ACACB: variants seen among roughly 807,000 people sequenced by gnomAD.
The protein encoded by ACACB is acetyl-CoA carboxylase beta.
Under a neutral mutation model 278.8 loss-of-function variants are expected in ACACB, and 209 were observed. The ratio of observed to expected loss-of-function variants is 0.75; its 90% CI spans 0.67 to 0.84. The LOEUF (loss-of-function observed/expected upper bound fraction) is 0.84, where lower values mean the gene tolerates loss of function less well. ACACB is among the 40% of genes least tolerant of loss of function. The pLI is 0.00. For missense variants in ACACB, 2,850 were observed against 3,269.0 expected (o/e 0.87, Z 3.13); for synonymous variants, 1,174 against 1,285.6 (o/e 0.91, Z 1.86).
intron 19 of ACACB, among the ~76,000 whole-genome samples, chr12:109,204,532 C>T (rs1257625601): frequency 6.6e-6 from 1 of 151,912 alleles, no homozygotes; most frequent in Non-Finnish European, 1.5e-5. Flanking sequence ...ACCTCAGCCT[C>T]CCAAAGTGCT....
intron 2 of ACACB, among the ~76,000 whole-genome samples, chr12:109,161,888 C>CT (rs1434690674): frequency 1.3e-5 from 2 of 151,884 alleles, no homozygotes; most frequent in African/African-American, 4.8e-5. Flanking sequence ...GCTCTTAATA[C>CT]TTTAGCATTT....
Position 109,185,694 on chromosome 12 carries a change from G to A in ACACB, c.1934G>A (p.Arg645Gln), listed in dbSNP as rs202062595. The change falls in exon 12 of 53, where the codon CGA (arginine) becomes CAA (glutamine). Residue 645 changes from arginine to glutamine, a missense_variant. Around this residue, in one of 3 missense-constraint regions of ACACB, gnomAD observed 2,265 missense variants for 2,561.3 expected, o/e 0.88. Coordinates refer to ENST00000338432, the MANE Select transcript of ACACB (RefSeq NM_001093.4). The part of the protein sequence containing the change: ...FETPSNPPLA[R>Q]GHVIAARITS... The stretch of plus-strand genomic sequence containing the variant: ...ACCCCCTCAAACCCTCCCCTCGCCC[G>A]AGGCCACGTCATTGCCGCCAGAATC... 129 of 1,613,080 alleles carry A rather than the reference G, an allele frequency of 8.0e-5. No individual in the cohort carries two copies. Among genetic ancestry groups the A allele is most frequent in the Non-Finnish European group, 1.0e-4 (123 of 1,179,578 alleles).
chr12:109,197,041 A>T lies in ACACB; in HGVS notation c.2515A>T (p.Ile839Phe). ...GCAGTCTCTGACCATGTTCGTTCTC[A>T]TCATGAATGGCTGCCACATCGAGAT... ...ARQSLTMFVLIMNGCHIEIDA... is the reference protein window; with the variant it reads ...ARQSLTMFVLFMNGCHIEIDA... Residue 839 changes from isoleucine (I) to phenylalanine (F), a missense_variant, in exon 17 of 53, where the codon ATC becomes TTC. Ile to Phe is a conservative substitution (Grantham distance 21). Transcript: ENST00000338432. The T allele has an allele frequency of 6.3e-7, 1 of 1,587,506 alleles. No individual in the cohort carries two copies. The highest frequency in any genetic ancestry group is 8.6e-7 in the Non-Finnish European group (1 of 1,169,420).
intron 28 of ACACB, among the ~76,000 whole-genome samples, chr12:109,228,424 G>A (rs2046378848): frequency 1.3e-5 from 2 of 151,936 alleles, no homozygotes; most frequent in African/African-American, 4.8e-5. Context: ...AGGGCTGAAG[G>A]GGGCAGATCA....
At chr12:109,210,451 ATATG>A (rs938702152) in intron 21 of ACACB, among the ~76,000 whole-genome samples, 15 of 126,486 alleles carry the variant, frequency 1.2e-4, no homozygotes, top group Non-Finnish European at 1.9e-4. Context: ...ACATGTGTAT[ATATG>A]TATATATACG....
intron 37 of ACACB, among the ~76,000 whole-genome samples, chr12:109,243,900 T>C (rs972246344): frequency 1.3e-5 from 2 of 149,540 alleles, no homozygotes; most frequent in African/African-American, 4.9e-5. Flanking sequence ...TATATATTTA[T>C]TTATTTATTT....
chr12:109,251,076 C>G (rs187702495), intron 41 of ACACB, among the ~76,000 whole-genome samples: 1 of 152,078 alleles, frequency 6.6e-6, no homozygotes, highest in Non-Finnish European at 1.5e-5. Context: ...CTTTACCAGT[C>G]GAGTGTTCCT....
At chr12:109,193,923 T>C (rs2044993091) in intron 16 of ACACB, among the ~76,000 whole-genome samples, 194 bp downstream of exon 16, 1 of 152,222 alleles carries the variant, frequency 6.6e-6, no homozygotes. Flanking sequence ...GGGCTGTGCA[T>C]TCTGCAGAGG....
intron 45 of ACACB, among the ~76,000 whole-genome samples, chr12:109,256,640 C>CTCACCCT (rs942666183): frequency 6.6e-6 from 1 of 152,206 alleles, no homozygotes; most frequent in Non-Finnish European, 1.5e-5. Context: ...AGCTGGGCAG[C>CTCACCCT]TCACCCTTCA....
At chr12:109,253,837 T>G (rs1220998091) in intron 43 of ACACB, among the ~76,000 whole-genome samples, 1 of 152,198 alleles carries the variant, frequency 6.6e-6, no homozygotes, top group African/African-American at 2.4e-5. Flanking sequence ...CAAGTGCCCC[T>G]TTTCCCCATC....
At chr12:109,150,284 G>A (rs186471651) in intron 2 of ACACB, among the ~76,000 whole-genome samples, 24 of 152,228 alleles carry the variant, frequency 1.6e-4, no homozygotes, top group African/African-American at 5.3e-4. Context: ...GGGGGTGGAC[G>A]GCCCAGAGGT....
At chr12:109,242,344 C>T in intron 36 of ACACB, 93 bp from the exon 37 acceptor site, 2 of 1,417,620 alleles carry the variant, frequency 1.4e-6, no homozygotes, top group Non-Finnish European at 2.0e-6. Context: ...TTTGCTTCCC[C>T]CACCTGCATT....
At chr12:109,216,219 CTTTTTTTTTTT>C (rs1194453989) in intron 22 of ACACB, among the ~76,000 whole-genome samples, 1 of 128,148 alleles carries the variant, frequency 7.8e-6, no homozygotes, top group Non-Finnish European at 1.7e-5. Flanking sequence ...CTCTCTCTCT[CTTTTTTTTTTT>C]TTTTTTTTTG....
At chr12:109,154,033 T>C (rs2043449766) in intron 2 of ACACB, among the ~76,000 whole-genome samples, 1 of 152,218 alleles carries the variant, frequency 6.6e-6, no homozygotes, top group African/African-American at 2.4e-5. Context: ...ATAACATGCA[T>C]CTCTGGGCCC....
chr12:109,210,540 C>T (rs1210158128), intron 21 of ACACB, among the ~76,000 whole-genome samples: 2 of 146,284 alleles, frequency 1.4e-5, no homozygotes, highest in Non-Finnish European at 3.0e-5. Flanking sequence ...TGTATATATA[C>T]GTGCATGTAT....
At chr12:109,218,725 C>G in intron 24 of ACACB, among the ~76,000 whole-genome samples, 1 of 147,116 alleles carries the variant, frequency 6.8e-6, no homozygotes, top group Non-Finnish European at 1.5e-5. Context: ...ATAATCTTGG[C>G]TCACTGCAAC....
At chr12:109,220,940 G>T (rs1483518197) in intron 24 of ACACB, among the ~76,000 whole-genome samples, 2 of 152,188 alleles carry the variant, frequency 1.3e-5, no homozygotes. Context: ...ACTTAGATGT[G>T]TGGGGGGAAA....
chr12:109,145,207 C>T (rs751622946), intron 2 of ACACB, among the ~76,000 whole-genome samples: 47 of 152,120 alleles, frequency 3.1e-4, no homozygotes, highest in Non-Finnish European at 5.9e-4. Context: ...AGACTGATTG[C>T]GAGGCAGTTG....
intron 19 of ACACB, among the ~76,000 whole-genome samples, chr12:109,205,123 G>A (rs896770375): frequency 6.6e-6 from 1 of 152,178 alleles, no homozygotes; most frequent in Non-Finnish European, 1.5e-5. Context: ...CAAAATGCTG[G>A]GATTACAAGG....
Sources: gnomAD v4.1 joint callset for allele counts (sites outside exome capture counted in the v4.1 genomes callset) on GRCh38, gnomAD v4.1.1 for gene constraint, gnomAD v4.1.1 regional missense constraint, MANE v1.5 for transcripts, NCBI Gene and HGNC (gene_info 2026-07-23, HGNC 2026-07-21) for gene names.